The following PTPRT variants were observed in gnomAD, a reference collection of about 807,000 sequenced individuals.
PTPRT encodes protein tyrosine phosphatase receptor type T, also known as receptor-type tyrosine-protein phosphatase T.
PTPRT carries 56 observed loss-of-function variants against 176.8 expected under a neutral mutation model. The observed-to-expected ratio is 0.32, with a 90% CI of 0.26 to 0.40. PTPRT has a LOEUF of 0.40. Ranked by LOEUF, PTPRT falls within the 10% of genes least tolerant of loss-of-function variation. The pLI is 1.00. For synonymous variants in PTPRT, 783 were observed against 739.0 expected (o/e 1.06, Z -0.96); for missense variants, 1,540 against 1,908.2 (o/e 0.81, Z 3.60).
chr20:42,604,965 G>A (rs1467675183), intron 7 of PTPRT, among the ~76,000 whole-genome samples: 1 of 152,192 alleles, frequency 6.6e-6, no homozygotes, highest in Non-Finnish European at 1.5e-5. Context: ...CTGACAGCAG[G>A]CAAGCTATCA....
At chr20:42,593,139 T>C (rs2073609463) in intron 7 of PTPRT, among the ~76,000 whole-genome samples, 1 of 152,246 alleles carries the variant, frequency 6.6e-6, no homozygotes, top group South Asian at 2.1e-4. Flanking sequence ...TTGCATGACT[T>C]TGGTCTCAAC....
chr20:42,252,309 A>G (rs556579511), intron 13 of PTPRT, among the ~76,000 whole-genome samples: 1 of 152,312 alleles, frequency 6.6e-6, no homozygotes, highest in Admixed American at 6.5e-5. Flanking sequence ...CTGGAGCTCT[A>G]AATTAAAGGT....
intron 1 of PTPRT, among the ~76,000 whole-genome samples, chr20:42,897,519 C>T (rs372274765): frequency 4.7e-4 from 72 of 152,282 alleles, no homozygotes; most frequent in African/African-American, 1.5e-3. Context: ...GTAACAGAAA[C>T]GGCGGTGCCC....
rs533255032 is a variant in PTPRT, at chr20:42,939,030, G to A, written c.89-53098C>T. Among the ~76,000 whole-genome samples the A allele has an allele frequency of 1.7e-4, 26 of 152,304 alleles. No homozygotes were observed. The East Asian group carries it at 5.0e-3, about 29-fold the overall frequency. On this transcript the variant is annotated intron_variant, in intron 1 of 30. Transcript: ENST00000373187. Reference sequence around the variant, plus strand: ...CCATTTAGTACTTGATCTCCAGAGAGGGTTTTATCAATTCACTTGCCCCCT... The same window carrying A: ...CCATTTAGTACTTGATCTCCAGAGAAGGTTTTATCAATTCACTTGCCCCCT...
intron 1 of PTPRT, among the ~76,000 whole-genome samples, chr20:42,918,527 T>C (rs899306508): frequency 8.5e-5 from 13 of 152,174 alleles, no homozygotes; most frequent in Non-Finnish European, 1.9e-4. Flanking sequence ...ACAAAGAACA[T>C]TTCCAGTTTG....
chr20:42,384,350 G>T (rs1232298924), intron 9 of PTPRT, among the ~76,000 whole-genome samples: 2 of 152,182 alleles, frequency 1.3e-5, no homozygotes, highest in Non-Finnish European at 2.9e-5. Flanking sequence ...ACGGCAGTGG[G>T]GAAGGAGGCA....
intron 7 of PTPRT, among the ~76,000 whole-genome samples, chr20:42,626,310 G>C (rs73108497): frequency 3.3e-4 from 50 of 152,172 alleles, no homozygotes; most frequent in Non-Finnish European, 6.3e-4. Context: ...TCAAGCTTAG[G>C]TAAGAAGTCT....
intron 17 of PTPRT, among the ~76,000 whole-genome samples, chr20:42,160,988 G>A (rs1207122948): frequency 6.6e-6 from 1 of 152,168 alleles, no homozygotes; most frequent in Non-Finnish European, 1.5e-5. Context: ...TGTGGGATGG[G>A]AGCTTGAGCC....
intron 12 of PTPRT, among the ~76,000 whole-genome samples, chr20:42,290,163 A>T (rs529024207): frequency 1.3e-5 from 2 of 152,146 alleles, no homozygotes; most frequent in African/African-American, 4.8e-5. Flanking sequence ...GGATTATATA[A>T]GTCTCTGGGG....
At position 42,836,708 on chromosome 20, in the gene PTPRT, C is replaced by T. The variant is rs1338474837; in HGVS notation, c.215-45242G>A. ...TGAATTCCTGGCACTGGCTGAGACACGTTTTGGCAGATTTCTCATCCATAA... is the reference window on the plus strand; with the variant it reads ...TGAATTCCTGGCACTGGCTGAGACATGTTTTGGCAGATTTCTCATCCATAA... On this transcript the variant is annotated intron_variant, in intron 2 of 30. Coordinates refer to ENST00000373187, the MANE Select transcript of PTPRT (RefSeq NM_007050.6). Among the ~76,000 whole-genome samples, 5 of 152,276 alleles carry T rather than the reference C, an allele frequency of 3.3e-5. No homozygotes were observed. In the South Asian group the frequency reaches 6.2e-4, roughly 19 times the overall value.
At chr20:42,794,371 C>T (rs1358062011) in intron 2 of PTPRT, among the ~76,000 whole-genome samples, 1 of 152,202 alleles carries the variant, frequency 6.6e-6, no homozygotes, top group African/African-American at 2.4e-5. Context: ...ACCAGCCACC[C>T]CAGCATCACC....
Position 42,871,590 on chromosome 20 carries a change from T to C in PTPRT, c.214+14217A>G, listed in dbSNP as rs185301465. 6.4e-4 allele frequency among the ~76,000 whole-genome samples: 97 copies of C among 152,354 alleles called. 3 individuals are homozygous for C. In the East Asian group the frequency reaches 0.015, roughly 24 times the overall value. On this transcript the variant is annotated intron_variant, in intron 2 of 30. Transcript: ENST00000373187. ...CATAAAACTTTCTACCTACATTTTC[T>C]TCTAGGGGTTTTACAGTTTTCACTC...
intron 7 of PTPRT, among the ~76,000 whole-genome samples, chr20:42,649,739 A>T (rs1252167303): frequency 1.3e-5 from 2 of 152,170 alleles, no homozygotes; most frequent in Non-Finnish European, 1.5e-5. Context: ...GAGAGCAGAC[A>T]TATCCCTCCC....
At chr20:42,490,901 A>C (rs2071550964) in intron 7 of PTPRT, among the ~76,000 whole-genome samples, 2 of 152,168 alleles carry the variant, frequency 1.3e-5, no homozygotes, top group Non-Finnish European at 2.9e-5. Flanking sequence ...ATTGGTGAAT[A>C]CCTTTATCAA....
intron 19 of PTPRT, among the ~76,000 whole-genome samples, chr20:42,120,276 T>A (rs1987518630): frequency 1.3e-5 from 2 of 152,070 alleles, no homozygotes; most frequent in Non-Finnish European, 2.9e-5. Context: ...CAAAAACAGG[T>A]AGAGAAGGAG....
At chr20:42,333,918 T>C (rs1256817333) in intron 11 of PTPRT, among the ~76,000 whole-genome samples, 1 of 152,136 alleles carries the variant, frequency 6.6e-6, no homozygotes, top group Non-Finnish European at 1.5e-5. Context: ...TGACCTCAAG[T>C]GACCCGCCCA....
At chr20:42,883,242 A>C (rs920783830) in intron 2 of PTPRT, among the ~76,000 whole-genome samples, 1 of 152,190 alleles carries the variant, frequency 6.6e-6, no homozygotes, top group South Asian at 2.1e-4. Context: ...TAAGTCAAGG[A>C]GTCTGTTAGA....
chr20:42,397,508 C>A (rs1428488463), intron 9 of PTPRT, among the ~76,000 whole-genome samples: 2 of 152,164 alleles, frequency 1.3e-5, no homozygotes, highest in East Asian at 3.9e-4. Context: ...ATCTTTATGT[C>A]CATGTGTACT....
intron 7 of PTPRT, among the ~76,000 whole-genome samples, chr20:42,482,762 T>C (rs1387176137): frequency 6.6e-6 from 1 of 152,220 alleles, no homozygotes; most frequent in East Asian, 1.9e-4. Context: ...CTGATCTTTC[T>C]TCTTCATTTA....
Sources: gnomAD v4.1 joint callset for allele counts (sites outside exome capture counted in the v4.1 genomes callset) on GRCh38, gnomAD v4.1.1 for gene constraint, MANE v1.5 for transcripts, NCBI Gene and HGNC (gene_info 2026-07-23, HGNC 2026-07-21) for gene names.